COL8A1: variants seen among roughly 807,000 people sequenced by gnomAD.
COL8A1 encodes the protein collagen alpha-1(VIII) chain.
In COL8A1, 21 loss-of-function variants were observed where a neutral mutation model predicts 42.7. The observed-to-expected ratio is 0.49, with a 90% CI of 0.35 to 0.71. COL8A1 has a LOEUF of 0.71. COL8A1 is among the 30% of genes least tolerant of loss of function. The pLI is 0.01. For missense variants in COL8A1, 788 were observed against 962.4 expected (o/e 0.82, Z 2.40); for synonymous variants, 367 against 369.1 (o/e 0.99, Z 0.06).
intron 1 of COL8A1, among the ~76,000 whole-genome samples, chr3:99,648,712 A>G (rs1309602470): frequency 6.6e-6 from 1 of 152,190 alleles, no homozygotes; most frequent in East Asian, 1.9e-4. Context: ...AGAAATTTCC[A>G]TGATTCTATG....
chr3:99,749,234 G>A (rs1043022873), intron 2 of COL8A1, among the ~76,000 whole-genome samples: 4 of 151,956 alleles, frequency 2.6e-5, no homozygotes, highest in Non-Finnish European at 4.4e-5. Context: ...TATTATGTGG[G>A]CTCAAGTACC....
At chr3:99,775,603 C>T (rs892476769) in intron 2 of COL8A1, among the ~76,000 whole-genome samples, 2 of 152,196 alleles carry the variant, frequency 1.3e-5, no homozygotes, top group Non-Finnish European at 2.9e-5. Flanking sequence ...TGGCCAGCCT[C>T]TCTTCCCAGA....
At chr3:99,656,430 T>C (rs185984362) in intron 1 of COL8A1, among the ~76,000 whole-genome samples, 2 of 151,570 alleles carry the variant, frequency 1.3e-5, no homozygotes, top group African/African-American at 2.4e-5. Flanking sequence ...TTTCATTGAA[T>C]GCAACCAAGA....
intron 2 of COL8A1, among the ~76,000 whole-genome samples, chr3:99,754,378 C>T (rs1022835308): frequency 2.0e-5 from 3 of 151,778 alleles, no homozygotes; most frequent in African/African-American, 7.3e-5. Context: ...CTCAAGTTAT[C>T]CACTGAATGC....
At chr3:99,702,239 A>G (rs978284272) in intron 1 of COL8A1, among the ~76,000 whole-genome samples, 3 of 152,200 alleles carry the variant, frequency 2.0e-5, no homozygotes, top group Admixed American at 6.5e-5. Flanking sequence ...GTTTGTCTAT[A>G]AGACACTTCT....
At position 99,648,282 on chromosome 3, in the gene COL8A1, G is replaced by A. The variant is rs538878764; in HGVS notation, c.-129+9618G>A. ...TCCAAAGTCCATGGTCTTCCTGCCC[G>A]CCTGTGCTGCTTCTCATGATGTCTT... On this transcript the variant is annotated intron_variant, in intron 1 of 3. Coordinates refer to ENST00000652472, the MANE Select transcript of COL8A1 (RefSeq NM_020351.4). 9.2e-5 allele frequency among the ~76,000 whole-genome samples: 14 copies of A among 152,186 alleles called. No individual in the cohort carries two copies. In the East Asian group the frequency reaches 1.7e-3, roughly 19 times the overall value.
At chr3:99,682,133 G>A (rs896192741) in intron 1 of COL8A1, among the ~76,000 whole-genome samples, 5 of 152,172 alleles carry the variant, frequency 3.3e-5, no homozygotes, top group South Asian at 4.1e-4. Context: ...TAGAAGTGCC[G>A]GCCGGGTTCG....
intron 1 of COL8A1, among the ~76,000 whole-genome samples, chr3:99,723,400 CA>C (rs1336913493): frequency 8.6e-5 from 13 of 152,036 alleles, no homozygotes; most frequent in Admixed American, 3.3e-4. Context: ...TGACAATGCT[CA>C]GGATGTCAAA....
chr3:99,790,152 G>T (rs529081160), intron 2 of COL8A1, among the ~76,000 whole-genome samples: 18 of 152,258 alleles, frequency 1.2e-4, no homozygotes, highest in Admixed American at 3.3e-4. Flanking sequence ...ATTCTAGCTC[G>T]TTTTATCATT....
intron 1 of COL8A1, among the ~76,000 whole-genome samples, chr3:99,718,446 C>A (rs1940061767): frequency 6.6e-6 from 1 of 151,950 alleles, no homozygotes; most frequent in Non-Finnish European, 1.5e-5. Context: ...AATGCTAATA[C>A]AAAAACTGAA....
intron 1 of COL8A1, chr3:99,677,771 G>A (rs559198628): frequency 6.6e-5 from 10 of 152,070 alleles, no homozygotes; most frequent in South Asian, 2.1e-4. Context: ...ACAGTTCCTC[G>A]CTCAGAACAG....
chr3:99,757,298 G>T (rs1029883096), intron 2 of COL8A1, among the ~76,000 whole-genome samples: 1 of 152,076 alleles, frequency 6.6e-6, no homozygotes, highest in Admixed American at 6.5e-5. Context: ...CTTCCTCGGG[G>T]TGCAACTCTT....
chr3:99,782,441 G>A (rs1419193044), intron 2 of COL8A1, among the ~76,000 whole-genome samples: 1 of 152,044 alleles, frequency 6.6e-6, no homozygotes, highest in African/African-American at 2.4e-5. Flanking sequence ...GCCCAGGATG[G>A]AGTGCAGTGG....
chr3:99,644,807 G>C (rs1937613690), intron 1 of COL8A1, among the ~76,000 whole-genome samples: 1 of 152,174 alleles, frequency 6.6e-6, no homozygotes. Flanking sequence ...TAACTAAATA[G>C]GCCTGGGTGT....
chr3:99,649,414 A>G (rs1937766468), intron 1 of COL8A1, among the ~76,000 whole-genome samples: 1 of 152,176 alleles, frequency 6.6e-6, no homozygotes, highest in Admixed American at 6.5e-5. Context: ...GAATAAAATA[A>G]GTTGACGGTG....
chr3:99,661,419 C>G (rs1206989393), intron 1 of COL8A1, among the ~76,000 whole-genome samples: 1 of 152,138 alleles, frequency 6.6e-6, no homozygotes, highest in Non-Finnish European at 1.5e-5. Flanking sequence ...GTCTACCTCA[C>G]ACCGACTAGG....
At chr3:99,760,978 T>C (rs191008449) in intron 2 of COL8A1, among the ~76,000 whole-genome samples, 46 of 152,306 alleles carry the variant, frequency 3.0e-4, no homozygotes, top group African/African-American at 1.1e-3. Context: ...ATAAGCAAAA[T>C]TCTGCAGAAA....
intron 1 of COL8A1, among the ~76,000 whole-genome samples, chr3:99,666,534 T>C (rs1372190847): frequency 6.6e-6 from 1 of 152,210 alleles, no homozygotes; most frequent in African/African-American, 2.4e-5. Context: ...TTCACCAACT[T>C]TTTGGGATCC....
At chr3:99,680,745 A>G (rs989282664) in intron 1 of COL8A1, among the ~76,000 whole-genome samples, 2 of 152,218 alleles carry the variant, frequency 1.3e-5, no homozygotes, top group African/African-American at 4.8e-5. Flanking sequence ...TGTATACTAT[A>G]AGGCTCCAGT....
Sources: allele counts gnomAD v4.1 joint callset (sites outside exome capture counted in the v4.1 genomes callset), GRCh38; gene constraint gnomAD v4.1.1; transcripts MANE v1.5; gene names NCBI Gene and HGNC (gene_info 2026-07-23, HGNC 2026-07-21).